The following NBEA variants were observed in gnomAD, a reference collection of about 807,000 sequenced individuals.
NBEA encodes neurobeachin.
NBEA carries 44 observed loss-of-function variants against 343.4 expected under a neutral mutation model. The observed-to-expected ratio is 0.13, with a 90% CI of 0.10 to 0.16. The LOEUF (loss-of-function observed/expected upper bound fraction) is 0.16, where lower values mean the gene tolerates loss of function less well. Among genes scored for constraint, NBEA ranks in the 10% least tolerant of loss-of-function variants. NBEA has a pLI of 1.00. For missense variants in NBEA, 2,555 were observed against 3,631.3 expected, an observed-to-expected ratio of 0.70 and a Z score of 7.62; for synonymous variants, 1,175 against 1,238.7, an observed-to-expected ratio of 0.95 and a Z score of 1.08.
At chr13:35,558,267 T>A (rs1593219153) in intron 44 of NBEA, among the ~76,000 whole-genome samples, 1 of 152,174 alleles carries the variant, frequency 6.6e-6, no homozygotes, top group Non-Finnish European at 1.5e-5. Flanking sequence ...TATTGGAATG[T>A]ATAAAATTGT....
chr13:35,456,012 C>T (rs1015453979), intron 40 of NBEA, among the ~76,000 whole-genome samples: 1 of 152,036 alleles, frequency 6.6e-6, no homozygotes, highest in Admixed American at 6.5e-5. Context: ...GGTTCCATTA[C>T]ATTAGAAGTA....
chr13:35,663,597 T>G (rs1429301566), intron 55 of NBEA, among the ~76,000 whole-genome samples: 1 of 152,214 alleles, frequency 6.6e-6, no homozygotes, highest in Non-Finnish European at 1.5e-5. Flanking sequence ...ATATCTCTGA[T>G]TTGCTGATTT....
At chr13:34,998,364 A>G (rs1043260485) in intron 1 of NBEA, among the ~76,000 whole-genome samples, 9 of 152,206 alleles carry the variant, frequency 5.9e-5, no homozygotes, top group African/African-American at 2.2e-4. Context: ...ATTGTCATTG[A>G]TAACATCTTA....
At chr13:35,183,916 G>A in intron 29 of NBEA, 60 bp from the exon 30 acceptor site, 1 of 1,213,044 alleles carries the variant, frequency 8.2e-7, no homozygotes, top group East Asian at 2.4e-5. Flanking sequence ...GATCTTCAGT[G>A]GACCATGTGG....
intron 38 of NBEA, among the ~76,000 whole-genome samples, chr13:35,411,186 C>T (rs544564472): frequency 2.1e-4 from 32 of 152,072 alleles, no homozygotes; most frequent in Non-Finnish European, 4.3e-4. Flanking sequence ...GGTCTTTATC[C>T]TACTTGTTTA....
chr13:34,970,817 G>A (rs1415328932), intron 1 of NBEA, among the ~76,000 whole-genome samples: 1 of 152,122 alleles, frequency 6.6e-6, no homozygotes, highest in Non-Finnish European at 1.5e-5. Flanking sequence ...GATGCCTCTA[G>A]CTTTGTTCTT....
In NBEA at chr13:35,156,200, A is replaced by C; in HGVS notation, c.2645A>C (p.Asn882Thr). 1.3e-6 allele frequency: 2 copies of C among 1,579,856 alleles called. No individual in the cohort carries two copies. The highest frequency in any genetic ancestry group is 1.9e-5 in the Admixed American group (1 of 52,658). ...MIKLFSNSRE[N>T]RRCLLQCSVW... is the part of the protein sequence containing the mutation. ...AAACTTTTCAGTAACAGCCGTGAAA[A>C]TAGAAGGTAAGCAGTTTGGATACTG... The change falls in exon 20 of 59, where the codon AAT (asparagine) becomes ACT (threonine). Residue 882 changes from asparagine (N) to threonine (T), a missense_variant. By Grantham distance (65) the Asn-to-Thr change is moderately conservative. This residue lies in a region of NBEA where 360 missense variants were observed against 519.1 expected (regional missense o/e 0.69). Coordinates refer to ENST00000379939, the MANE Select transcript of NBEA (RefSeq NM_001385012.1).
chr13:35,258,285 A>T (rs956600937), intron 34 of NBEA, among the ~76,000 whole-genome samples: 3 of 151,526 alleles, frequency 2.0e-5, no homozygotes, highest in African/African-American at 7.3e-5. Context: ...CTCCTGCCTC[A>T]GCCTCCTGAG....
intron 11 of NBEA, among the ~76,000 whole-genome samples, chr13:35,101,436 G>A (rs925163081): frequency 6.6e-6 from 1 of 151,782 alleles, no homozygotes; most frequent in African/African-American, 2.4e-5. Flanking sequence ...GACTAGTGAT[G>A]CTGAATATCT....
chr13:35,300,456 C>T (rs1009811307), intron 35 of NBEA, among the ~76,000 whole-genome samples: 8 of 152,118 alleles, frequency 5.3e-5, no homozygotes, highest in Admixed American at 5.2e-4. Context: ...ACTTCACACA[C>T]ACTGTAAATA....
intron 17 of NBEA, among the ~76,000 whole-genome samples, chr13:35,124,818 A>G (rs953460246): frequency 6.6e-6 from 1 of 150,580 alleles, no homozygotes; most frequent in Admixed American, 6.6e-5. Context: ...ATACACACAC[A>G]TATGGATATA....
Position 35,104,388 on chromosome 13 carries a change from A to G in NBEA, c.1681-4902A>G, listed in dbSNP as rs1419787106. ...CTTCTGCTAGAATGTAGGCTTTATG[A>G]AAGCAGGGGCAATGTATATATATTT... On this transcript the variant is annotated intron_variant, in intron 11 of 58. Coordinates refer to ENST00000379939, the MANE Select transcript of NBEA (RefSeq NM_001385012.1). 6.6e-5 allele frequency among the ~76,000 whole-genome samples: 10 copies of G among 152,062 alleles called. 1 individual carries two copies. Among genetic ancestry groups the G allele is most frequent in the African/African-American group, 2.2e-4 (9 of 41,546 alleles).
intron 35 of NBEA, among the ~76,000 whole-genome samples, chr13:35,298,404 A>G (rs2036302410): frequency 6.6e-6 from 1 of 151,550 alleles, no homozygotes; most frequent in Non-Finnish European, 1.5e-5. Context: ...ATTTCTCTAC[A>G]GCACTAATGT....
rs2079291862 is a variant in NBEA, at chr13:35,550,953, G to A, written c.6727G>A (p.Asp2243Asn). Residue 2243 changes from aspartate to asparagine, a missense_variant, in exon 43 of 59, where the codon GAT (aspartate) becomes AAT (asparagine). Asp to Asn is a conservative substitution (Grantham distance 23, BLOSUM62 1). Around this residue, in one of 21 missense-constraint regions of NBEA, gnomAD observed 246 missense variants for 313.7 expected, o/e 0.78. Transcript: ENST00000379939. ...AGCCTCAGTTATGTTTAATTTCCCT[G>A]ATCAAGCAACAGTAAAAAAAGTTGT... is the stretch of plus-strand genomic sequence containing the variant. ...NRTSVMFNFP[D>N]QATVKKVVYS... The A allele has an allele frequency of 9.3e-6, 15 of 1,608,834 alleles. No homozygotes were observed. Among genetic ancestry groups the A allele is most frequent in the Non-Finnish European group, 1.3e-5 (15 of 1,176,222 alleles).
At chr13:35,531,241 A>G (rs1436325750) in intron 41 of NBEA, among the ~76,000 whole-genome samples, 1 of 152,184 alleles carries the variant, frequency 6.6e-6, no homozygotes, top group African/African-American at 2.4e-5. Context: ...TCTGGGTTGC[A>G]CCTGTAATTA....
intron 48 of NBEA, among the ~76,000 whole-genome samples, chr13:35,618,513 G>A (rs2082839818): frequency 7.4e-6 from 1 of 134,808 alleles, no homozygotes; most frequent in Non-Finnish European, 1.6e-5. Flanking sequence ...TGTAAATACA[G>A]TGCCAAGAGT....
chr13:35,165,348 A>C (rs964157343), intron 24 of NBEA, among the ~76,000 whole-genome samples: 1 of 152,090 alleles, frequency 6.6e-6, no homozygotes, highest in Non-Finnish European at 1.5e-5. Flanking sequence ...ATCCTCACAC[A>C]CTTTCCCCAG....
intron 36 of NBEA, among the ~76,000 whole-genome samples, chr13:35,340,791 T>C (rs1398115530): frequency 6.6e-6 from 1 of 151,984 alleles, no homozygotes; most frequent in Non-Finnish European, 1.5e-5. Flanking sequence ...TTTTAATGGA[T>C]TGGAAAAGTT....
At chr13:35,287,889 A>G (rs1331482911) in intron 34 of NBEA, among the ~76,000 whole-genome samples, 4 of 152,050 alleles carry the variant, frequency 2.6e-5, no homozygotes, top group Non-Finnish European at 4.4e-5. Context: ...TAACTAGTTT[A>G]AACAGTTATT....
Sources: gnomAD v4.1 joint callset for allele counts (sites outside exome capture counted in the v4.1 genomes callset) on GRCh38, gnomAD v4.1.1 for gene constraint, gnomAD v4.1.1 regional missense constraint, MANE v1.5 for transcripts, NCBI Gene and HGNC (gene_info 2026-07-23, HGNC 2026-07-21) for gene names.